Variants in OCA2 observed in about 807,000 individuals in gnomAD.
OCA2 encodes the protein OCA2 melanosomal transmembrane protein.
OCA2 carries 77 observed loss-of-function variants against 100.2 expected under a neutral mutation model. The ratio of observed to expected loss-of-function variants is 0.77; its 90% CI spans 0.64 to 0.93. OCA2 has a LOEUF of 0.93. OCA2 is among the 40% of genes least tolerant of loss of function. The pLI is 0.00. For missense variants in OCA2, 1,062 were observed against 1,089.1 expected (o/e 0.98, Z 0.35); for synonymous variants, 432 against 439.2 (o/e 0.98, Z 0.21).
intron 1 of OCA2, among the ~76,000 whole-genome samples, chr15:28,095,960 G>A (rs1313766247): frequency 6.6e-6 from 1 of 152,176 alleles, no homozygotes; most frequent in South Asian, 2.1e-4. Flanking sequence ...GCGCTGCTCA[G>A]CCCCAAGGCG....
intron 9 of OCA2, among the ~76,000 whole-genome samples, chr15:28,008,860 T>C (rs1053138911): frequency 4.6e-5 from 7 of 152,192 alleles, no homozygotes; most frequent in African/African-American, 1.7e-4. Flanking sequence ...GGCAGGGGCA[T>C]CTGCAAGCCA....
At chr15:28,011,407 G>A (rs2042236124) in intron 9 of OCA2, among the ~76,000 whole-genome samples, 1 of 152,112 alleles carries the variant, frequency 6.6e-6, no homozygotes, top group Non-Finnish European at 1.5e-5. Flanking sequence ...GTTTGAGGCT[G>A]CAGTGAGCTG....
At chr15:27,910,271 G>C (rs1449270281) in intron 19 of OCA2, among the ~76,000 whole-genome samples, 2 of 152,200 alleles carry the variant, frequency 1.3e-5, no homozygotes, top group Non-Finnish European at 2.9e-5. Context: ...CACAACTCTT[G>C]CAGAGGGAAA....
chr15:27,780,187 C>T (rs1484473169), intron 23 of OCA2, among the ~76,000 whole-genome samples: 2 of 152,142 alleles, frequency 1.3e-5, no homozygotes, highest in Non-Finnish European at 2.9e-5. Flanking sequence ...CTGAGAGGGG[C>T]GTAGGTGAAC....
chr15:28,088,643 G>T (rs1225221203), intron 1 of OCA2, among the ~76,000 whole-genome samples: 1 of 152,168 alleles, frequency 6.6e-6, no homozygotes. Context: ...CATGTCGGTA[G>T]GTTCCGTGAT....
At chr15:27,747,425 T>C in the OCA2 span, among the ~76,000 whole-genome samples, 1 of 152,242 alleles carries the variant, frequency 6.6e-6, no homozygotes, top group Admixed American at 6.5e-5. Flanking sequence ...CAGCCAGTTC[T>C]GGGCATGTTC....
chr15:27,932,337 C>T (rs1388091205), intron 18 of OCA2, among the ~76,000 whole-genome samples: 4 of 152,170 alleles, frequency 2.6e-5, no homozygotes, highest in Non-Finnish European at 4.4e-5. Context: ...AGGCATTGTT[C>T]AAAATCACTG....
chr15:27,850,214 C>T (rs547463580), intron 22 of OCA2, among the ~76,000 whole-genome samples: 3 of 152,288 alleles, frequency 2.0e-5, no homozygotes, highest in East Asian at 3.9e-4. Flanking sequence ...GAACCTCCTC[C>T]GATGTCTCCA....
intron 5 of OCA2, 50 bp downstream of exon 5, chr15:28,024,795 C>A: frequency 1.9e-6 from 3 of 1,601,628 alleles, no homozygotes; most frequent in Non-Finnish European, 2.6e-6. Context: ...CAAAGGCACA[C>A]AGGGCTTCCA....
Position 28,059,028 on chromosome 15 carries a change from T to C in OCA2, c.227+22620A>G, listed in dbSNP as rs553186828. On this transcript the variant is annotated intron_variant, in intron 2 of 23. Transcript: ENST00000354638. ...GGTCCAGAGAGCGCTCAGTGAAGCC[T>C]GCCTTCCCCTAGGAAAAGGAGAGTG... 8.5e-5 allele frequency among the ~76,000 whole-genome samples: 13 copies of C among 152,316 alleles called. No individual in the cohort carries two copies. The South Asian group carries it at 2.7e-3, about 32-fold the overall frequency.
the OCA2 span, among the ~76,000 whole-genome samples, chr15:27,741,768 G>A: frequency 6.6e-6 from 1 of 152,268 alleles, no homozygotes; most frequent in Admixed American, 6.5e-5. Flanking sequence ...TAACCATGAG[G>A]TTTCCAGGAC....
At chr15:27,890,662 AG>A (rs1262195382) in intron 19 of OCA2, among the ~76,000 whole-genome samples, 1 of 152,242 alleles carries the variant, frequency 6.6e-6, no homozygotes, top group Non-Finnish European at 1.5e-5. Flanking sequence ...ATAAAGAAAA[AG>A]AATTTTTTAC....
At chr15:27,875,466 A>G (rs1178298416) in intron 19 of OCA2, among the ~76,000 whole-genome samples, 1 of 152,112 alleles carries the variant, frequency 6.6e-6, no homozygotes, top group African/African-American at 2.4e-5. Context: ...TTTTGGGGAA[A>G]AAAATGCTTT....
intron 9 of OCA2, among the ~76,000 whole-genome samples, chr15:28,010,288 A>C (rs373892841): frequency 2.2e-4 from 34 of 152,354 alleles, no homozygotes; most frequent in African/African-American, 8.2e-4. Context: ...GTCATACTTC[A>C]TGGTGAAAGA....
intron 23 of OCA2, among the ~76,000 whole-genome samples, chr15:27,801,536 G>GTGAGACTC (rs2033610677): frequency 8.5e-6 from 1 of 117,856 alleles, no homozygotes; most frequent in African/African-American, 3.4e-5. Context: ...TGGCGACAGA[G>GTGAGACTC]TGAGACTCGG....
chr15:27,836,515 T>G (rs2035159810), intron 23 of OCA2, among the ~76,000 whole-genome samples: 2 of 152,230 alleles, frequency 1.3e-5, no homozygotes, highest in Admixed American at 1.3e-4. Context: ...TGATCTCACA[T>G]TCATGATTTT....
intron 6 of OCA2, among the ~76,000 whole-genome samples, chr15:28,021,445 G>A (rs1338483996): frequency 1.3e-5 from 2 of 152,194 alleles, no homozygotes; most frequent in East Asian, 1.9e-4. Context: ...AGGAAGAGGC[G>A]GCTTCCCTGG....
At position 28,014,916 on chromosome 15, in the gene OCA2, TG is replaced by T; in HGVS notation, c.903del (p.Ile302SerfsTer16). 6.2e-7 allele frequency: 1 copy of T among 1,614,166 alleles called. No individual in the cohort carries two copies. Among genetic ancestry groups the T allele is most frequent in the Non-Finnish European group, 8.5e-7 (1 of 1,180,032 alleles). ...TFEVLTRETV[S>X]ISIRASLQQT... Reference sequence around the variant, plus strand: ...TGCTGCAGGGAGGCCCGGATGCTGATGGACACCGTCTCTCTGCAGAACGAAA... The same window carrying T: ...TGCTGCAGGGAGGCCCGGATGCTGATGACACCGTCTCTCTGCAGAACGAAA... On this transcript the variant is annotated frameshift_variant, in exon 9 of 24. Transcript: ENST00000354638. LOFTEE classifies it high-confidence loss of function.
At chr15:27,951,148 C>T (rs1009706998) in intron 18 of OCA2, among the ~76,000 whole-genome samples, 26 of 152,146 alleles carry the variant, frequency 1.7e-4, no homozygotes, top group African/African-American at 5.1e-4. Context: ...TTGACAAGCT[C>T]TGTGGTGAGC....
Sources: allele counts gnomAD v4.1 joint callset (sites outside exome capture counted in the v4.1 genomes callset), GRCh38; gene constraint gnomAD v4.1.1; transcripts MANE v1.5; gene names NCBI Gene and HGNC (gene_info 2026-07-23, HGNC 2026-07-21).